PAK3: variants seen among roughly 807,000 people sequenced by gnomAD.
The protein encoded by PAK3 is p21 (RAC1) activated kinase 3, also known as serine/threonine-protein kinase PAK 3.
A neutral mutation model predicts 41.0 loss-of-function variants in PAK3; 4 were observed. The observed-to-expected ratio is 0.10, with a 90% CI of 0.05 to 0.22. PAK3 has a LOEUF of 0.22. Among genes scored for constraint, PAK3 ranks in the 10% least tolerant of loss-of-function variants. The pLI, the probability that PAK3 is intolerant of heterozygous loss-of-function variation, is 1.00. For missense variants in PAK3, 205 were observed against 409.9 expected, an observed-to-expected ratio of 0.50 and a Z score of 4.32; for synonymous variants, 146 against 139.6, an observed-to-expected ratio of 1.05 and a Z score of -0.32.
chrX:111,137,155 G>A, intron 5 of PAK3, among the ~76,000 whole-genome samples: 1 of 112,000 alleles, frequency 8.9e-6, no homozygotes, highest in Middle Eastern at 4.6e-3. Flanking sequence ...ACTAGGTGGT[G>A]ATAATCTCAA....
intron 1 of PAK3, among the ~76,000 whole-genome samples, chrX:111,003,259 G>T (rs2091876070): frequency 8.9e-6 from 1 of 111,806 alleles, no homozygotes; most frequent in South Asian, 3.8e-4. Flanking sequence ...GACTGGGAGG[G>T]AGGGTGTAGC....
At chrX:111,159,360 C>G (rs1372530529) in intron 8 of PAK3, among the ~76,000 whole-genome samples, 2 of 111,400 alleles carry the variant, frequency 1.8e-5, no homozygotes, top group African/African-American at 3.3e-5. Context: ...TTTCTTGTGG[C>G]TTTTTGGAGC....
intron 1 of PAK3, among the ~76,000 whole-genome samples, chrX:110,990,949 C>G (rs980161968): frequency 3.6e-5 from 4 of 110,156 alleles, no homozygotes; most frequent in African/African-American, 1.3e-4. Flanking sequence ...GGCAACATAG[C>G]AAAACCTCAT....
chrX:111,158,820 G>A (rs1220366243), intron 8 of PAK3, among the ~76,000 whole-genome samples: 2 of 112,128 alleles, frequency 1.8e-5, no homozygotes, highest in East Asian at 5.6e-4. Context: ...AATGTTAACA[G>A]TCAGTGAAAT....
chrX:111,186,711 AAAG>A (rs1219615055), intron 11 of PAK3, among the ~76,000 whole-genome samples: 1 of 111,997 alleles, frequency 8.9e-6, no homozygotes, highest in African/African-American at 3.2e-5. Context: ...CATACTGCCC[AAAG>A]TAATTTATAG....
rs1212751583 is a variant in PAK3 at position 111,103,163 on chromosome X, C to T, written c.-171C>T. 9.0e-6 allele frequency: 1 copy of T among 111,501 alleles called. No homozygotes were observed. The highest frequency in any genetic ancestry group is 1.9e-5 in the Non-Finnish European group (1 of 53,066). The allele number at this position is 111,501 out of a possible 1,213,427, so 9.2% of individuals were successfully genotyped here. A position where few individuals can be genotyped will look rare whatever the true frequency, so the allele number is the denominator to read the frequency against. ...CTACAATGCTTCTCTCAGCAGGTTT[C>T]CCCCAAGAAAGAGCAGCTGAGTCCT... On this transcript the variant is annotated 5_prime_UTR_variant, in exon 4 of 18. Coordinates refer to ENST00000372007, the MANE Select transcript of PAK3 (RefSeq NM_002578.5).
chrX:111,189,351 T>A (rs961961094), intron 11 of PAK3, among the ~76,000 whole-genome samples: 1 of 112,006 alleles, frequency 8.9e-6, no homozygotes, highest in Admixed American at 9.5e-5. Context: ...TTTTTCCATG[T>A]CTTTGCTATC....
At chrX:111,031,751 G>A (rs1304515138) in intron 1 of PAK3, among the ~76,000 whole-genome samples, 1 of 111,275 alleles carries the variant, frequency 9.0e-6, no homozygotes, top group African/African-American at 3.3e-5. Flanking sequence ...AACCATTTAG[G>A]GACCCATGGA....
chrX:111,125,049 A>T (rs919826276), intron 5 of PAK3, among the ~76,000 whole-genome samples: 3 of 111,895 alleles, frequency 2.7e-5, no homozygotes, highest in Non-Finnish European at 5.6e-5. Flanking sequence ...AAGGCTTATT[A>T]TAAACTAATG....
intron 1 of PAK3, among the ~76,000 whole-genome samples, chrX:111,061,260 T>C (rs1281531299): frequency 2.7e-5 from 3 of 112,179 alleles, no homozygotes; most frequent in Non-Finnish European, 3.8e-5. Context: ...TATTGAATAG[T>C]CGGGCTTTTC....
chrX:111,193,777 A>C, intron 13 of PAK3, among the ~76,000 whole-genome samples: 1 of 92,017 alleles, frequency 1.1e-5, no homozygotes, highest in Non-Finnish European at 1.9e-5. Flanking sequence ...AAAAACAAAA[A>C]CAAAAAAAAA....
At chrX:111,053,610 C>A (rs765002635) in intron 1 of PAK3, among the ~76,000 whole-genome samples, 2 of 111,235 alleles carry the variant, frequency 1.8e-5, no homozygotes, top group African/African-American at 3.3e-5. Flanking sequence ...TGGAGACCTT[C>A]GGACCTGTCT....
At chrX:111,175,610 T>C (rs1338858986) in intron 11 of PAK3, among the ~76,000 whole-genome samples, 2 of 111,328 alleles carry the variant, frequency 1.8e-5, no homozygotes, top group Non-Finnish European at 3.8e-5. Context: ...GGAGATGTTA[T>C]AATTTTGTCT....
chrX:110,976,177 A>G (rs1166391820), intron 1 of PAK3, among the ~76,000 whole-genome samples: 2 of 112,394 alleles, frequency 1.8e-5, no homozygotes, highest in East Asian at 5.6e-4. Flanking sequence ...CAGGCAACCT[A>G]CAGAATGGGA....
intron 1 of PAK3, among the ~76,000 whole-genome samples, chrX:111,026,940 C>T (rs945074507): frequency 9.0e-6 from 1 of 111,569 alleles, no homozygotes. Context: ...AAAACAGTAT[C>T]GTAGTGGTAT....
chrX:111,119,394 G>T (rs2093528023), intron 4 of PAK3, among the ~76,000 whole-genome samples: 2 of 111,938 alleles, frequency 1.8e-5, no homozygotes, highest in South Asian at 7.4e-4. Context: ...CTAAGGGCCA[G>T]TCTCTAAAAG....
chrX:111,097,217 G>T lies in PAK3; in HGVS notation c.-352-173G>T, dbSNP rs1025777556. ...AACTGGCTCTGGCAAGATTACTGCC[G>T]CACTTTTGGGTGAACTGAACATTTT... On this transcript the variant is annotated intron_variant, in intron 1 of 17. Coordinates refer to ENST00000372007, the MANE Select transcript of PAK3 (RefSeq NM_002578.5). Among the ~76,000 whole-genome samples the T allele has an allele frequency of 3.3e-5, 3 of 91,517 alleles. No individual in the cohort carries two copies. In the Admixed American group the frequency reaches 4.1e-4, roughly 13 times the overall value. 79.5% of individuals were successfully genotyped at this position (91,517 alleles called of 115,157 possible). A position where few individuals can be genotyped will look rare whatever the true frequency, so the allele number is the denominator to read the frequency against.
intron 1 of PAK3, among the ~76,000 whole-genome samples, chrX:110,990,110 C>G (rs1008113808): frequency 2.3e-4 from 26 of 111,606 alleles, no homozygotes; most frequent in Non-Finnish European, 1.7e-4. Flanking sequence ...TGCAAAGAAT[C>G]TGGGGCTCAA....
chrX:111,103,715 G>A (rs1454885125), intron 4 of PAK3, among the ~76,000 whole-genome samples: 1 of 111,674 alleles, frequency 9.0e-6, no homozygotes, highest in Non-Finnish European at 1.9e-5. Context: ...CAGTTCCTAT[G>A]ATTTCTACTG....
Sources: gnomAD v4.1 joint callset for allele counts (sites outside exome capture counted in the v4.1 genomes callset) on GRCh38, gnomAD v4.1.1 for gene constraint, MANE v1.5 for transcripts, NCBI Gene and HGNC (gene_info 2026-07-23, HGNC 2026-07-21) for gene names.